RAD51B: variants seen among roughly 807,000 people sequenced by gnomAD.
The protein encoded by RAD51B is RAD51 paralog B, also known as DNA repair protein RAD51 homolog 2.
In RAD51B, 38 loss-of-function variants were observed where a neutral mutation model predicts 42.2. The observed-to-expected ratio is 0.90, with a 90% confidence interval of 0.70 to 1.18. RAD51B has a LOEUF of 1.18. RAD51B is among the 50% of genes most tolerant of loss of function. RAD51B has a pLI of 0.00. For missense variants in RAD51B, 373 were observed against 400.7 expected, an observed-to-expected ratio of 0.93 and a Z score of 0.59; for synonymous variants, 154 against 145.2, an observed-to-expected ratio of 1.06 and a Z score of -0.43.
chr14:68,349,034 G>A (rs1411242637), intron 8 of RAD51B, among the ~76,000 whole-genome samples: 1 of 152,216 alleles, frequency 6.6e-6, no homozygotes, highest in Admixed American at 6.5e-5. Context: ...AGTCACCATA[G>A]ATGATACCTG....
chr14:68,505,877 G>A (rs1336263105), intron 10 of RAD51B, among the ~76,000 whole-genome samples: 1 of 152,198 alleles, frequency 6.6e-6, no homozygotes, highest in Non-Finnish European at 1.5e-5. Flanking sequence ...TATTGTCAGT[G>A]CAAAGACAGT....
At chr14:68,147,734 T>C (rs2078282792) in intron 7 of RAD51B, among the ~76,000 whole-genome samples, 2 of 151,224 alleles carry the variant, frequency 1.3e-5, no homozygotes, top group Admixed American at 1.3e-4. Flanking sequence ...CGGAAGGAGA[T>C]TACAACACAG....
intron 7 of RAD51B, among the ~76,000 whole-genome samples, chr14:67,902,163 G>C (rs949687929): frequency 2.0e-5 from 3 of 152,042 alleles, no homozygotes; most frequent in Non-Finnish European, 4.4e-5. Flanking sequence ...CCTATCTGTA[G>C]AAAGTGGCTA....
At chr14:68,527,139 A>G (rs1488046812) in intron 10 of RAD51B, among the ~76,000 whole-genome samples, 1 of 152,250 alleles carries the variant, frequency 6.6e-6, no homozygotes, top group Admixed American at 6.5e-5. Flanking sequence ...AAAACAAAAC[A>G]AAAAACGAAA....
intron 7 of RAD51B, among the ~76,000 whole-genome samples, chr14:68,038,932 C>T (rs1202071184): frequency 1.3e-5 from 2 of 152,086 alleles, no homozygotes; most frequent in African/African-American, 4.8e-5. Flanking sequence ...ATTGGAAATA[C>T]TATATAATGG....
chr14:67,937,523 T>C (rs1347450153), intron 7 of RAD51B, among the ~76,000 whole-genome samples: 2 of 152,240 alleles, frequency 1.3e-5, no homozygotes, highest in African/African-American at 4.8e-5. Flanking sequence ...TTCTTTCTTT[T>C]ACTCTAGGTA....
chr14:68,549,990 T>C (rs1888449381), intron 10 of RAD51B, among the ~76,000 whole-genome samples: 2 of 152,196 alleles, frequency 1.3e-5, no homozygotes, highest in South Asian at 2.1e-4. Flanking sequence ...ATTGGGGGAC[T>C]CAGAAGGAGG....
chr14:68,493,797 G>A (rs1455926330), intron 10 of RAD51B, among the ~76,000 whole-genome samples: 2 of 152,204 alleles, frequency 1.3e-5, no homozygotes, highest in African/African-American at 2.4e-5. Flanking sequence ...TTGTATAAGA[G>A]TTGCCTCTAA....
At chr14:68,470,464 G>A in intron 10 of RAD51B, 1 of 478,580 alleles carries the variant, frequency 2.1e-6, no homozygotes, top group Non-Finnish European at 4.1e-6. Flanking sequence ...AGAACCTTTG[G>A]ATTTTACCTT....
chr14:68,493,851 T>C (rs1316454362), intron 10 of RAD51B, among the ~76,000 whole-genome samples: 1 of 152,266 alleles, frequency 6.6e-6, no homozygotes, highest in Non-Finnish European at 1.5e-5. Flanking sequence ...TTTCATTTTC[T>C]GTGTGCTTTT....
intron 8 of RAD51B, among the ~76,000 whole-genome samples, chr14:68,363,041 C>A (rs79905734): frequency 0.043 from 6,449 of 148,726 alleles, 454 homozygotes; most frequent in African/African-American, 0.15. Flanking sequence ...TGAAAATAGG[C>A]GGAGCCTTTG....
chr14:68,247,735 A>C (rs2141014351), intron 7 of RAD51B, among the ~76,000 whole-genome samples: 1 of 152,324 alleles, frequency 6.6e-6, no homozygotes, highest in African/African-American at 2.4e-5. Flanking sequence ...ATGTTGCATG[A>C]CATACTTGCA....
At chr14:68,026,725 C>T (rs1041495999) in intron 7 of RAD51B, among the ~76,000 whole-genome samples, 1 of 151,854 alleles carries the variant, frequency 6.6e-6, no homozygotes. Context: ...TTACTTGGAG[C>T]CTGTGGATTT....
chr14:68,560,799 GC>G lies in RAD51B; in HGVS notation c.1037-33682del, dbSNP rs568256551. On this transcript the variant is annotated intron_variant, in intron 10 of 10. Transcript: ENST00000487270. ...CTCCCCCCGCCCCACACACACTTCTGCCCCAGGATGTCCCCCTCTCTCCATC... is the reference window on the plus strand; with the variant it reads ...CTCCCCCCGCCCCACACACACTTCTGCCCAGGATGTCCCCCTCTCTCCATC... Among the ~76,000 whole-genome samples the G allele has an allele frequency of 1.1e-3, 167 of 151,514 alleles. 1 individual carries two copies. The highest frequency in any genetic ancestry group is 3.4e-3 in the Middle Eastern group (1 of 294).
At chr14:68,205,794 G>T (rs910541215) in intron 7 of RAD51B, among the ~76,000 whole-genome samples, 2 of 152,066 alleles carry the variant, frequency 1.3e-5, no homozygotes, top group African/African-American at 2.4e-5. Context: ...GCCATTTGAG[G>T]CTAAATTACA....
intron 11 of RAD51B, among the ~76,000 whole-genome samples, chr14:68,667,610 T>C (rs1297952038): frequency 1.3e-5 from 2 of 152,204 alleles, no homozygotes; most frequent in Admixed American, 6.5e-5. Context: ...GGTTCAGCTT[T>C]GGATTCCCAG....
intron 7 of RAD51B, among the ~76,000 whole-genome samples, chr14:67,989,879 C>A (rs1009311406): frequency 6.6e-6 from 1 of 151,968 alleles, no homozygotes; most frequent in Non-Finnish European, 1.5e-5. Context: ...CAGTTTTATT[C>A]CCCAGCAATG....
At chr14:68,553,519 G>T (rs1050763364) in intron 10 of RAD51B, among the ~76,000 whole-genome samples, 2 of 152,170 alleles carry the variant, frequency 1.3e-5, no homozygotes, top group Non-Finnish European at 2.9e-5. Context: ...GGCGAGGTGG[G>T]GCTGGGGACT....
exon 11 of RAD51B, chr14:68,611,347 C>T (rs1424472688): frequency 1.1e-5 from 7 of 662,864 alleles, no homozygotes; most frequent in Middle Eastern, 2.6e-4. Flanking sequence ...GCTTCCTTGT[C>T]CCTTTCAGCA....
Sources: gnomAD v4.1 joint callset for allele counts (sites outside exome capture counted in the v4.1 genomes callset) on GRCh38, gnomAD v4.1.1 for gene constraint, MANE v1.5 for transcripts, NCBI Gene and HGNC (gene_info 2026-07-23, HGNC 2026-07-21) for gene names.